WDFY3: variants seen among roughly 807,000 people sequenced by gnomAD.
WDFY3 encodes the protein WD repeat and FYVE domain containing 3, also known as WD repeat and FYVE domain-containing protein 3.
Under a neutral mutation model 409.6 loss-of-function variants are expected in WDFY3, and 66 were observed. The ratio of observed to expected loss-of-function variants is 0.16; its 90% CI spans 0.13 to 0.20. The LOEUF (loss-of-function observed/expected upper bound fraction) is 0.20, where lower values mean the gene tolerates loss of function less well. Ranked by LOEUF, WDFY3 falls within the 10% of genes least tolerant of loss-of-function variation. WDFY3 has a pLI of 1.00. For synonymous variants in WDFY3, 1,521 were observed against 1,537.1 expected (o/e 0.99, Z 0.25); for missense variants, 3,031 against 4,298.1 (o/e 0.71, Z 8.24).
chr4:84,765,222 T>G lies in WDFY3; in HGVS notation c.5188+588A>C, dbSNP rs546162180. 5.9e-5 allele frequency among the ~76,000 whole-genome samples: 9 copies of G among 152,304 alleles called. No homozygotes were observed. In the South Asian group the frequency reaches 1.7e-3, roughly 28 times the overall value. On this transcript the variant is annotated intron_variant, in intron 32 of 67. Transcript: ENST00000295888. ...ATGGAAACATATGAGTTCAAATAAA[T>G]CTAGCATAGTAAACTGCAATTTTCT...
intron 7 of WDFY3, 99 bp downstream of exon 7, chr4:84,836,830 A>G: frequency 9.3e-7 from 1 of 1,078,130 alleles, no homozygotes. Context: ...AATAAAATGA[A>G]ATATGAGTTA....
intron 19 of WDFY3, among the ~76,000 whole-genome samples, chr4:84,796,221 C>T (rs1391466533): frequency 1.3e-5 from 2 of 150,778 alleles, no homozygotes; most frequent in Admixed American, 6.6e-5. Flanking sequence ...TGGCTGTTTT[C>T]CAATAAAACT....
At chr4:84,822,483 A>G (rs1754219710) in intron 10 of WDFY3, among the ~76,000 whole-genome samples, 1 of 152,124 alleles carries the variant, frequency 6.6e-6, no homozygotes, top group African/African-American at 2.4e-5. Flanking sequence ...TGAGGCCAGG[A>G]GTTCTAGACT....
At chr4:84,790,647 G>A (rs907245123) in intron 21 of WDFY3, among the ~76,000 whole-genome samples, 8 of 152,056 alleles carry the variant, frequency 5.3e-5, no homozygotes, top group Admixed American at 4.6e-4. Context: ...GAATAGCAAA[G>A]GAAACAACAG....
chr4:84,872,634 A>T (rs1762277315), intron 3 of WDFY3, among the ~76,000 whole-genome samples: 1 of 152,192 alleles, frequency 6.6e-6, no homozygotes, highest in Non-Finnish European at 1.5e-5. Context: ...TAAATCAATA[A>T]TCATTATAAA....
intron 32 of WDFY3, among the ~76,000 whole-genome samples, chr4:84,758,132 C>G (rs1403195632): frequency 6.6e-6 from 1 of 152,176 alleles, no homozygotes; most frequent in Non-Finnish European, 1.5e-5. Context: ...GGGAAGTACT[C>G]AGTACACAGT....
intron 10 of WDFY3, among the ~76,000 whole-genome samples, chr4:84,822,273 C>T (rs1754184057): frequency 6.6e-6 from 1 of 152,012 alleles, no homozygotes; most frequent in Non-Finnish European, 1.5e-5. Flanking sequence ...TAAAAGGAGT[C>T]CCCAGAACAA....
chr4:84,900,096 A>C (rs186222239), intron 2 of WDFY3, among the ~76,000 whole-genome samples: 1 of 152,302 alleles, frequency 6.6e-6, no homozygotes, highest in Admixed American at 6.5e-5. Flanking sequence ...ACTTACATTC[A>C]CACAAAACTT....
At chr4:84,829,584 T>C in intron 8 of WDFY3, among the ~76,000 whole-genome samples, 1 of 151,980 alleles carries the variant, frequency 6.6e-6, no homozygotes, top group Admixed American at 6.6e-5. Context: ...AGTAATTAGT[T>C]AAAACTTTAA....
chr4:84,722,244 T>G (rs1488803546), intron 46 of WDFY3, among the ~76,000 whole-genome samples: 2 of 151,974 alleles, frequency 1.3e-5, no homozygotes, highest in African/African-American at 4.8e-5. Flanking sequence ...AAAAATTAGC[T>G]GGGTGTGGTG....
intron 4 of WDFY3, among the ~76,000 whole-genome samples, chr4:84,851,261 C>A (rs1758969644): frequency 6.6e-6 from 1 of 151,836 alleles, no homozygotes; most frequent in East Asian, 1.9e-4. Context: ...AGGAAATTCT[C>A]TATATTCTAA....
chr4:84,928,848 G>T (rs868015708), intron 2 of WDFY3, among the ~76,000 whole-genome samples: 2 of 151,980 alleles, frequency 1.3e-5, no homozygotes, highest in African/African-American at 4.8e-5. Flanking sequence ...AAAGTCACAC[G>T]CCACTTGAAT....
chr4:84,741,544 A>C lies in WDFY3; in HGVS notation c.6234+217T>G, dbSNP rs1176100087. On this transcript the variant is annotated intron_variant, in intron 38 of 67. Transcript: ENST00000295888. ...CGGTCAGGCTGGTCTCCAACTTCTGACCTCAAGTGATCCACCTGCCTTGGC... is the reference window on the plus strand; with the variant it reads ...CGGTCAGGCTGGTCTCCAACTTCTGCCCTCAAGTGATCCACCTGCCTTGGC... Among the ~76,000 whole-genome samples the C allele has an allele frequency of 2.6e-5, 4 of 152,146 alleles. No individual in the cohort carries two copies. The South Asian group carries it at 6.2e-4, about 24-fold the overall frequency.
intron 3 of WDFY3, 37 bp from the exon 4 acceptor site, chr4:84,860,659 T>C (rs2150204881): frequency 1.4e-6 from 2 of 1,460,300 alleles, no homozygotes; most frequent in South Asian, 1.5e-5. Context: ...AGTCAAAACA[T>C]CATCATCTTG....
At position 84,841,200 on chromosome 4, in the gene WDFY3, C is replaced by G; in HGVS notation, c.368G>C (p.Gly123Ala). ...EINQSEEASR[G>A]WMLLTTINLL... ...ATTAATTGTCGTTAGAAGCATCCAG[C>G]CTCTACTGGCTTCTTCACTCTGATT... The change falls in exon 6 of 68, where the codon GGC (glycine) becomes GCC (alanine). Residue 123 changes from glycine (G) to alanine (A), a missense_variant. Coordinates refer to ENST00000295888, the MANE Select transcript of WDFY3 (RefSeq NM_014991.6). 1 of 1,612,888 alleles carries G rather than the reference C, an allele frequency of 6.2e-7. No homozygotes were observed. The highest frequency in any genetic ancestry group is 8.5e-7 in the Non-Finnish European group (1 of 1,179,782).
At chr4:84,873,354 G>C (rs1444677279) in intron 3 of WDFY3, among the ~76,000 whole-genome samples, 2 of 152,130 alleles carry the variant, frequency 1.3e-5, no homozygotes, top group Non-Finnish European at 2.9e-5. Flanking sequence ...GGAATTAAAA[G>C]AGAAATTTGG....
intron 3 of WDFY3, among the ~76,000 whole-genome samples, chr4:84,882,227 T>C (rs1189298442): frequency 6.6e-6 from 1 of 152,184 alleles, no homozygotes; most frequent in Non-Finnish European, 1.5e-5. Context: ...TTGGTCCCAT[T>C]TGAGGCTATT....
intron 1 of WDFY3, among the ~76,000 whole-genome samples, chr4:84,937,483 T>C (rs1036376903): frequency 6.6e-6 from 1 of 152,158 alleles, no homozygotes; most frequent in Non-Finnish European, 1.5e-5. Context: ...TTCTCGCCAC[T>C]TGCATAGTTA....
At chr4:84,891,333 T>C (rs1056028674) in intron 3 of WDFY3, among the ~76,000 whole-genome samples, 6 of 152,220 alleles carry the variant, frequency 3.9e-5, no homozygotes, top group African/African-American at 1.4e-4. Context: ...GACTGATTCA[T>C]AGTGCTACAT....
Sources: allele counts gnomAD v4.1 joint callset (sites outside exome capture counted in the v4.1 genomes callset), GRCh38; gene constraint gnomAD v4.1.1; transcripts MANE v1.5; gene names NCBI Gene and HGNC (gene_info 2026-07-23, HGNC 2026-07-21).